The following MED13L variants were observed in gnomAD, a reference collection of about 807,000 sequenced individuals.
MED13L encodes the protein mediator of RNA polymerase II transcription subunit 13-like.
In MED13L, 7 loss-of-function variants were observed where a neutral mutation model predicts 220.9. That is an observed-to-expected ratio of 0.03 (90% CI 0.02 to 0.06). The LOEUF is 0.06. Ranked by LOEUF, MED13L falls within the 10% of genes least tolerant of loss-of-function variation. MED13L has a pLI of 1.00. For synonymous variants in MED13L, 1,011 were observed against 1,015.2 expected, an observed-to-expected ratio of 1.00 and a Z score of 0.08; for missense variants, 1,965 against 2,760.5, an observed-to-expected ratio of 0.71 and a Z score of 6.46.
At chr12:116,242,578 C>G (rs1373924305) in intron 1 of MED13L, among the ~76,000 whole-genome samples, 1 of 151,994 alleles carries the variant, frequency 6.6e-6, no homozygotes, top group Non-Finnish European at 1.5e-5. Flanking sequence ...AGAAGGAAAC[C>G]TATATGCACA....
chr12:116,111,356 T>C, intron 3 of MED13L, 72 bp downstream of exon 3: 4 of 1,243,298 alleles, frequency 3.2e-6, no homozygotes, highest in Non-Finnish European at 4.7e-6. Context: ...TTTTGAAAAT[T>C]ACAGGAAACT....
chr12:116,222,161 T>C (rs951329969), intron 2 of MED13L, among the ~76,000 whole-genome samples: 3 of 152,214 alleles, frequency 2.0e-5, no homozygotes, highest in Non-Finnish European at 4.4e-5. Context: ...GGCTATAAAA[T>C]GCATTTACAC....
At chr12:116,205,660 A>G in intron 2 of MED13L, among the ~76,000 whole-genome samples, 1 of 152,068 alleles carries the variant, frequency 6.6e-6, no homozygotes, top group East Asian at 1.9e-4. Flanking sequence ...GGTTACAAAC[A>G]GAATGATTAA....
chr12:116,181,936 G>T (rs1245391994), intron 2 of MED13L, among the ~76,000 whole-genome samples: 1 of 152,126 alleles, frequency 6.6e-6, no homozygotes, highest in East Asian at 1.9e-4. Context: ...ATTTTCTTTT[G>T]ATTGCTTGCT....
At chr12:116,035,568 C>T (rs762181842) in intron 4 of MED13L, among the ~76,000 whole-genome samples, 3 of 151,928 alleles carry the variant, frequency 2.0e-5, no homozygotes, top group African/African-American at 7.3e-5. Context: ...GTAAGTAACA[C>T]TAAAACTATA....
intron 4 of MED13L, among the ~76,000 whole-genome samples, chr12:116,072,132 A>C (rs1870419773): frequency 6.6e-6 from 1 of 152,230 alleles, no homozygotes; most frequent in Admixed American, 6.5e-5. Context: ...ACTACAGTTC[A>C]CCAAATAACA....
chr12:115,970,839 G>T lies in MED13L; in HGVS notation c.5891-69C>A. 4 of 1,422,484 alleles carry T rather than the reference G, an allele frequency of 2.8e-6. No homozygotes were observed. In the Admixed American group the frequency reaches 5.7e-5, roughly 20 times the overall value. The allele number at this position is 1,422,484 out of a possible 1,614,324, so 88.1% of individuals were successfully genotyped here. ...CAGAAATGAGGTTTTCAGAGGGCCT[G>T]ATCTGGAGTGGTATGAGTCTGATGA... On this transcript the variant is annotated intron_variant, in intron 26 of 30. Transcript: ENST00000281928.
chr12:116,186,692 T>C (rs1285246847), intron 2 of MED13L, among the ~76,000 whole-genome samples: 1 of 152,224 alleles, frequency 6.6e-6, no homozygotes, highest in African/African-American at 2.4e-5. Flanking sequence ...CTTGGTTTAC[T>C]GCTTTTGTTT....
chr12:116,222,406 T>C (rs1263464512), intron 2 of MED13L, among the ~76,000 whole-genome samples: 1 of 152,222 alleles, frequency 6.6e-6, no homozygotes, highest in African/African-American at 2.4e-5. Flanking sequence ...ATGATAGATT[T>C]ATTTCTTCCC....
chr12:116,183,080 G>C (rs547163389), intron 2 of MED13L, among the ~76,000 whole-genome samples: 1 of 152,046 alleles, frequency 6.6e-6, no homozygotes, highest in African/African-American at 2.4e-5. Context: ...AAATTGCTTC[G>C]AGAAAAGCTG....
In MED13L at chr12:116,070,673, G is replaced by A. The variant is rs776780268; in HGVS notation, c.479+25996C>T. ...GCCCAGAATAATATACAAGCATGCCGCACCCTAGAGGCCCTTAAAGATGGT... is the reference window on the plus strand; with the variant it reads ...GCCCAGAATAATATACAAGCATGCCACACCCTAGAGGCCCTTAAAGATGGT... On this transcript the variant is annotated intron_variant, in intron 4 of 30. Coordinates refer to ENST00000281928, the MANE Select transcript of MED13L (RefSeq NM_015335.5). Among the ~76,000 whole-genome samples, 33 of 152,048 alleles carry A rather than the reference G, an allele frequency of 2.2e-4. 1 individual carries two copies. Among genetic ancestry groups the A allele is most frequent in the Admixed American group, 2.6e-4 (4 of 15,274 alleles).
At chr12:116,131,879 G>C (rs2138006420) in intron 2 of MED13L, among the ~76,000 whole-genome samples, 1 of 152,280 alleles carries the variant, frequency 6.6e-6, no homozygotes, top group South Asian at 2.1e-4. Context: ...TTACTCAGAA[G>C]GCTAAGGTGG....
intron 4 of MED13L, among the ~76,000 whole-genome samples, chr12:116,059,398 A>C (rs1049087605): frequency 1.3e-5 from 2 of 150,818 alleles, no homozygotes; most frequent in African/African-American, 4.9e-5. Context: ...ATAACCCTCC[A>C]GTAAAAAATT....
chr12:116,179,493 T>C (rs1472448344), intron 2 of MED13L, among the ~76,000 whole-genome samples: 1 of 151,996 alleles, frequency 6.6e-6, no homozygotes, highest in African/African-American at 2.4e-5. Context: ...ACTTGTAGTC[T>C]GTAGTCCCAG....
At chr12:116,267,560 C>T (rs570654754) in intron 1 of MED13L, among the ~76,000 whole-genome samples, 1 of 152,290 alleles carries the variant, frequency 6.6e-6, no homozygotes, top group East Asian at 1.9e-4. Flanking sequence ...GCCTCCTGCC[C>T]TCCAACACCA....
At chr12:116,072,011 A>C (rs1870410464) in intron 4 of MED13L, among the ~76,000 whole-genome samples, 1 of 152,310 alleles carries the variant, frequency 6.6e-6, no homozygotes, top group East Asian at 1.9e-4. Context: ...TTTTATTCAC[A>C]TTGGATGTTG....
chr12:116,210,455 G>A (rs946970184), intron 2 of MED13L, among the ~76,000 whole-genome samples: 9 of 150,152 alleles, frequency 6.0e-5, no homozygotes, highest in East Asian at 2.0e-4. Flanking sequence ...GCTTTATTTC[G>A]TGGAATACAT....
chr12:116,121,367 G>A (rs1875078976), intron 2 of MED13L, among the ~76,000 whole-genome samples: 1 of 152,004 alleles, frequency 6.6e-6, no homozygotes, highest in African/African-American at 2.4e-5. Flanking sequence ...AAAAAACATA[G>A]AAAAGGTTCA....
At chr12:116,219,947 C>T (rs1235952863) in intron 2 of MED13L, among the ~76,000 whole-genome samples, 1 of 152,086 alleles carries the variant, frequency 6.6e-6, no homozygotes, top group Non-Finnish European at 1.5e-5. Flanking sequence ...CAGGTGCGCA[C>T]CACCATGCCC....
Sources: allele counts gnomAD v4.1 joint callset (sites outside exome capture counted in the v4.1 genomes callset), GRCh38; gene constraint gnomAD v4.1.1; transcripts MANE v1.5; gene names NCBI Gene and HGNC (gene_info 2026-07-23, HGNC 2026-07-21).